The following KCNQ5 variants were observed in gnomAD, a reference collection of about 807,000 sequenced individuals.
KCNQ5 encodes the protein potassium voltage-gated channel subfamily Q member 5.
KCNQ5 carries 30 observed loss-of-function variants against 98.2 expected under a neutral mutation model. The observed-to-expected ratio is 0.31, with a 90% confidence interval of 0.23 to 0.41. The LOEUF (loss-of-function observed/expected upper bound fraction) is 0.41, where lower values mean the gene tolerates loss of function less well. Ranked by LOEUF, KCNQ5 falls within the 10% of genes least tolerant of loss-of-function variation. The probability of loss-of-function intolerance (pLI) is 1.00; values close to 1 mark genes in which losing one functional copy is unlikely to be tolerated. For synonymous variants in KCNQ5, 458 were observed against 449.4 expected (o/e 1.02, Z -0.24); for missense variants, 835 against 1,182.5 (o/e 0.71, Z 4.31).
intron 1 of KCNQ5, among the ~76,000 whole-genome samples, chr6:72,849,999 C>T (rs573079342): frequency 6.6e-6 from 1 of 152,126 alleles, no homozygotes; most frequent in Non-Finnish European, 1.5e-5. Flanking sequence ...ATTGGGTCTA[C>T]AGAGAATGTT....
At chr6:72,952,804 T>C (rs1482178315) in intron 1 of KCNQ5, among the ~76,000 whole-genome samples, 1 of 152,200 alleles carries the variant, frequency 6.6e-6, no homozygotes, top group Non-Finnish European at 1.5e-5. Context: ...TTCCCTACCA[T>C]TCATCCCTTC....
chr6:72,831,292 C>T (rs1006059297), intron 1 of KCNQ5, among the ~76,000 whole-genome samples: 32 of 152,010 alleles, frequency 2.1e-4, no homozygotes, highest in African/African-American at 3.1e-4. Flanking sequence ...ATGTTTATTG[C>T]GGAACTATTC....
At chr6:72,901,338 A>G (rs1022660572) in intron 1 of KCNQ5, among the ~76,000 whole-genome samples, 4 of 152,116 alleles carry the variant, frequency 2.6e-5, no homozygotes, top group Non-Finnish European at 1.5e-5. Context: ...TTTGTCATGC[A>G]AAAGCTCTTT....
intron 1 of KCNQ5, among the ~76,000 whole-genome samples, chr6:72,808,177 C>T (rs147166331): frequency 2.9e-4 from 44 of 152,112 alleles, no homozygotes; most frequent in Admixed American, 1.4e-3. Context: ...TGGAGAGAAG[C>T]GGACTGATTT....
chr6:73,120,401 A>G, intron 7 of KCNQ5, 82 bp from the exon 8 acceptor site: 1 of 963,806 alleles, frequency 1.0e-6, no homozygotes, highest in Non-Finnish European at 1.6e-6. Flanking sequence ...CATGTGTAGT[A>G]ACTTAATCAT....
At chr6:72,730,104 C>T (rs550204898) in intron 1 of KCNQ5, among the ~76,000 whole-genome samples, 2 of 152,252 alleles carry the variant, frequency 1.3e-5, no homozygotes, top group East Asian at 3.9e-4. Flanking sequence ...CTACAGTGAG[C>T]TATGATCACA....
In KCNQ5 at chr6:73,055,233, G is replaced by T. The variant is rs138382000; in HGVS notation, c.616+13171G>T. 3.5e-5 allele frequency: 43 copies of T among 1,239,274 alleles called. No homozygotes were observed. In the African/African-American group the frequency reaches 6.1e-4, roughly 18 times the overall value. 76.8% of individuals were successfully genotyped at this position (1,239,274 alleles called of 1,614,324 possible). On this transcript the variant is annotated intron_variant, in intron 3 of 13. Coordinates refer to ENST00000370398, the MANE Select transcript of KCNQ5 (RefSeq NM_019842.4). Reference sequence around the variant, plus strand: ...GCAAAGCAGGCACGGCGAGATGCTGGCTATGAGTTTGACATCTGCTTCACC... The same window carrying T: ...GCAAAGCAGGCACGGCGAGATGCTGTCTATGAGTTTGACATCTGCTTCACC...
intron 3 of KCNQ5, among the ~76,000 whole-genome samples, chr6:73,060,864 C>A (rs1005514867): frequency 5.7e-4 from 87 of 152,290 alleles, no homozygotes; most frequent in Middle Eastern, 3.4e-3. Context: ...TGACCACACA[C>A]TTTATTGATG....
intron 11 of KCNQ5, among the ~76,000 whole-genome samples, chr6:73,181,507 T>A (rs993115883): frequency 6.6e-6 from 1 of 152,192 alleles, no homozygotes; most frequent in Admixed American, 6.5e-5. Context: ...TCTAAGGTAA[T>A]CCTTTGAAAA....
At chr6:72,852,135 C>G (rs2150143201) in intron 1 of KCNQ5, among the ~76,000 whole-genome samples, 1 of 152,122 alleles carries the variant, frequency 6.6e-6, no homozygotes, top group East Asian at 1.9e-4. Flanking sequence ...AAAGAGAACA[C>G]AAACAATTTA....
intron 7 of KCNQ5, among the ~76,000 whole-genome samples, chr6:73,119,784 C>T (rs1425395949): frequency 3.8e-5 from 5 of 133,138 alleles, no homozygotes; most frequent in African/African-American, 1.3e-4. Context: ...AATGTATGCT[C>T]ATGCTCAAGT....
intron 1 of KCNQ5, among the ~76,000 whole-genome samples, chr6:72,652,959 G>C (rs1765948881): frequency 6.6e-6 from 1 of 152,050 alleles, no homozygotes; most frequent in South Asian, 2.1e-4. Flanking sequence ...CCCAAATGCT[G>C]TTTACAGCAT....
At chr6:72,883,489 C>A (rs528114880) in intron 1 of KCNQ5, among the ~76,000 whole-genome samples, 1 of 151,950 alleles carries the variant, frequency 6.6e-6, no homozygotes, top group East Asian at 1.9e-4. Flanking sequence ...AATTCAGAGC[C>A]AAAAACTTTT....
chr6:73,008,303 AAGAC>A (rs1181626929), intron 2 of KCNQ5, among the ~76,000 whole-genome samples: 1 of 152,170 alleles, frequency 6.6e-6, no homozygotes, highest in Non-Finnish European at 1.5e-5. Flanking sequence ...TTTCTAGTAA[AAGAC>A]AGAGATTGGC....
rs546722981 is a variant in KCNQ5 at position 72,987,369 on chromosome 6, C to G, written c.399-16539C>G. The G allele has an allele frequency of 3.6e-5, 26 of 718,800 alleles. No homozygotes were observed. The Admixed American group carries it at 4.2e-4, about 12-fold the overall frequency. The allele number at this position is 718,800 out of a possible 1,614,324, so 44.5% of individuals were successfully genotyped here. The stretch of plus-strand genomic sequence containing the variant: ...AAAGGCCTTGCAAGGAGAGATCGAT[C>G]GAGAGTCAGGCAAAACGGAAGCTTG... On this transcript the variant is annotated intron_variant, in intron 1 of 13. Coordinates refer to ENST00000370398, the MANE Select transcript of KCNQ5 (RefSeq NM_019842.4).
chr6:72,977,295 G>A (rs1448824863), intron 1 of KCNQ5, among the ~76,000 whole-genome samples: 1 of 152,178 alleles, frequency 6.6e-6, no homozygotes, highest in East Asian at 1.9e-4. Flanking sequence ...GCAGACTGTG[G>A]CTGCAGGCAG....
rs139026687 is a variant in KCNQ5, at chr6:72,921,840, T to C, written c.399-82068T>C. 2.6e-3 allele frequency among the ~76,000 whole-genome samples: 390 copies of C among 152,290 alleles called. 1 individual carries two copies. Among genetic ancestry groups the C allele is most frequent in the African/African-American group, 9.2e-3 (382 of 41,546 alleles). ...AACAAAGCTGGGTGTCAGTAATTCATAACTCACTGAATCACTGAACCTAAA... is the reference window on the plus strand; with the variant it reads ...AACAAAGCTGGGTGTCAGTAATTCACAACTCACTGAATCACTGAACCTAAA... On this transcript the variant is annotated intron_variant, in intron 1 of 13. Transcript: ENST00000370398.
rs945865309 is a variant in KCNQ5 at position 72,930,507 on chromosome 6, A to T, written c.399-73401A>T. The stretch of plus-strand genomic sequence containing the variant: ...GTTAACTAAGTAATAAACCAAGAGG[A>T]TTTAGCTAATTTTTTGAGGTCATTA... On this transcript the variant is annotated intron_variant, in intron 1 of 13. Transcript: ENST00000370398. 5.6e-5 allele frequency among the ~76,000 whole-genome samples: 8 copies of T among 143,012 alleles called. 2 individuals are homozygous for T. In the Admixed American group the frequency reaches 5.8e-4, roughly 10 times the overall value. The allele number at this position is 143,012 out of a possible 152,430, so 93.8% of individuals were successfully genotyped here. A position where few individuals can be genotyped will look rare whatever the true frequency, so the allele number is the denominator to read the frequency against.
intron 1 of KCNQ5, among the ~76,000 whole-genome samples, chr6:72,672,268 T>C (rs1055816435): frequency 6.6e-6 from 1 of 151,972 alleles, no homozygotes; most frequent in African/African-American, 2.4e-5. Context: ...TGGCTAATTT[T>C]TGTAATTTTT....
Sources: gnomAD v4.1 joint callset for allele counts (sites outside exome capture counted in the v4.1 genomes callset) on GRCh38, gnomAD v4.1.1 for gene constraint, MANE v1.5 for transcripts, NCBI Gene and HGNC (gene_info 2026-07-23, HGNC 2026-07-21) for gene names.